ARHGAP22: variants seen among roughly 807,000 people sequenced by gnomAD.
ARHGAP22 encodes the protein Rho GTPase activating protein 22.
A neutral mutation model predicts 59.1 loss-of-function variants in ARHGAP22; 48 were observed. That is an observed-to-expected ratio of 0.81 (90% CI 0.64 to 1.03). The LOEUF is 1.03. ARHGAP22 is among the 50% of genes least tolerant of loss of function. ARHGAP22 has a pLI of 0.00. For missense variants in ARHGAP22, 1,015 were observed against 958.7 expected, an observed-to-expected ratio of 1.06 and a Z score of -0.78; for synonymous variants, 445 against 416.4, an observed-to-expected ratio of 1.07 and a Z score of -0.84.
At chr10:48,602,646 A>G (rs1006746919) in intron 1 of ARHGAP22, among the ~76,000 whole-genome samples, 3 of 152,192 alleles carry the variant, frequency 2.0e-5, no homozygotes, top group Admixed American at 1.3e-4. Context: ...TCACTCAAAA[A>G]ACACAGGTTG....
chr10:48,504,710 G>A (rs962564598), intron 3 of ARHGAP22, among the ~76,000 whole-genome samples: 2 of 152,188 alleles, frequency 1.3e-5, no homozygotes, highest in African/African-American at 4.8e-5. Context: ...GGGCAGGAGT[G>A]GGTCAGGAGC....
At chr10:48,601,803 T>C (rs965014852) in intron 1 of ARHGAP22, among the ~76,000 whole-genome samples, 1 of 152,248 alleles carries the variant, frequency 6.6e-6, no homozygotes, top group Non-Finnish European at 1.5e-5. Context: ...CTGCTAGGTA[T>C]CAATAATCCA....
intron 1 of ARHGAP22, among the ~76,000 whole-genome samples, chr10:48,634,229 T>C (rs1451604707): frequency 6.6e-6 from 1 of 152,142 alleles, no homozygotes; most frequent in African/African-American, 2.4e-5. Flanking sequence ...GCACTAAAGA[T>C]GGGTCAGCTC....
At chr10:48,646,287 A>G in intron 1 of ARHGAP22, among the ~76,000 whole-genome samples, 1 of 152,360 alleles carries the variant, frequency 6.6e-6, no homozygotes, top group African/African-American at 2.4e-5. Context: ...ATTCAATGTG[A>G]TTCCTATCAA....
chr10:48,523,771 C>T (rs2134783612), intron 3 of ARHGAP22, among the ~76,000 whole-genome samples: 1 of 151,944 alleles, frequency 6.6e-6, no homozygotes, highest in African/African-American at 2.4e-5. Flanking sequence ...GAGGGCGGAC[C>T]CTCCCCTCCG....
chr10:48,584,819 C>G (rs1261608062), intron 1 of ARHGAP22, among the ~76,000 whole-genome samples: 2 of 152,096 alleles, frequency 1.3e-5, no homozygotes, highest in Non-Finnish European at 1.5e-5. Context: ...ACGGCGAAAC[C>G]CTGTCTCTAC....
In ARHGAP22 at chr10:48,637,458, G is replaced by C. The variant is rs1311240642; in HGVS notation, c.52+14776C>G. On this transcript the variant is annotated intron_variant, in intron 1 of 9. Transcript: ENST00000435790. ...GGGTGGGTGAATGGGTGGATTTGTA[G>C]GTAGATGGATAGATGGTAGATGGGT... 3.3e-5 allele frequency among the ~76,000 whole-genome samples: 5 copies of C among 151,700 alleles called. No individual in the cohort carries two copies. In the East Asian group the frequency reaches 9.7e-4, roughly 29 times the overall value.
intron 2 of ARHGAP22, 103 bp from the exon 3 acceptor site, chr10:48,555,653 C>T: frequency 9.1e-7 from 1 of 1,101,122 alleles, no homozygotes; most frequent in Non-Finnish European, 1.4e-6. Flanking sequence ...TGGGGCCCTC[C>T]AGGCCATGGC....
chr10:48,476,955 T>C (rs10857579), intron 4 of ARHGAP22, among the ~76,000 whole-genome samples: 27,811 of 152,128 alleles, frequency 0.18, 3,748 homozygotes, highest in East Asian at 0.63. Flanking sequence ...TCATCTCACT[T>C]CTTTGACCCA....
At chr10:48,597,057 G>A (rs2060110251) in intron 1 of ARHGAP22, among the ~76,000 whole-genome samples, 1 of 152,156 alleles carries the variant, frequency 6.6e-6, no homozygotes, top group Admixed American at 6.5e-5. Flanking sequence ...CCTAAGGTAT[G>A]AAGACCCCTC....
rs2051557646 is a variant in ARHGAP22 at position 48,501,856 on chromosome 10, T to C, written c.323-22092A>G. On this transcript the variant is annotated intron_variant, in intron 3 of 9. Coordinates refer to ENST00000249601, the MANE Select transcript of ARHGAP22 (RefSeq NM_021226.4). Reference sequence around the variant, plus strand: ...AGAGGTGCATAGATCTGCATGCCTATTTCTGGAAGGAGGAGCTGGATACTG... The same window carrying C: ...AGAGGTGCATAGATCTGCATGCCTACTTCTGGAAGGAGGAGCTGGATACTG... Among the ~76,000 whole-genome samples, 3 of 152,166 alleles carry C rather than the reference T, an allele frequency of 2.0e-5. No homozygotes were observed. In the South Asian group the frequency reaches 6.2e-4, roughly 32 times the overall value.
intron 9 of ARHGAP22, among the ~76,000 whole-genome samples, chr10:48,449,250 G>A (rs569788735): frequency 2.2e-4 from 34 of 152,210 alleles, no homozygotes; most frequent in African/African-American, 6.5e-4. Context: ...TTCCTTTCTC[G>A]GCTCCATCCT....
At chr10:48,636,571 C>A (rs1467466901) in intron 1 of ARHGAP22, among the ~76,000 whole-genome samples, 1 of 152,208 alleles carries the variant, frequency 6.6e-6, no homozygotes, top group Non-Finnish European at 1.5e-5. Flanking sequence ...CCACCTGCAC[C>A]ACAGCCCTGC....
chr10:48,642,737 T>C (rs1202869210), intron 1 of ARHGAP22, among the ~76,000 whole-genome samples: 1 of 152,152 alleles, frequency 6.6e-6, no homozygotes, highest in Non-Finnish European at 1.5e-5. Flanking sequence ...AATTGACAAA[T>C]GGGATCTAAT....
chr10:48,436,432 T>C, the ARHGAP22 span: 1 of 152,252 alleles, frequency 6.6e-6, no homozygotes, highest in Non-Finnish European at 1.5e-5. Flanking sequence ...AGTCTCGTTA[T>C]TTCTGAAATA....
At chr10:48,570,860 C>T (rs888894721) in intron 2 of ARHGAP22, among the ~76,000 whole-genome samples, 11 of 152,216 alleles carry the variant, frequency 7.2e-5, no homozygotes, top group Admixed American at 2.0e-4. Flanking sequence ...AGCCAGGGTT[C>T]CAAACGCTCT....
chr10:48,584,105 C>T (rs1376960774), intron 1 of ARHGAP22, among the ~76,000 whole-genome samples: 1 of 152,244 alleles, frequency 6.6e-6, no homozygotes. Context: ...GAGGGGCCAT[C>T]TTGAACTCTG....
chr10:48,568,541 G>T (rs1273234385), intron 2 of ARHGAP22, among the ~76,000 whole-genome samples: 1 of 152,226 alleles, frequency 6.6e-6, no homozygotes, highest in Non-Finnish European at 1.5e-5. Flanking sequence ...ATGTTCACAG[G>T]GAACCAGCCC....
intron 2 of ARHGAP22, among the ~76,000 whole-genome samples, chr10:48,560,599 T>C (rs537555427): frequency 1.3e-5 from 2 of 152,268 alleles, no homozygotes; most frequent in South Asian, 4.1e-4. Flanking sequence ...GAAACAGCTT[T>C]TAGTCTTTCA....
Sources: allele counts gnomAD v4.1 joint callset (sites outside exome capture counted in the v4.1 genomes callset), GRCh38; gene constraint gnomAD v4.1.1; transcripts MANE v1.5; gene names NCBI Gene and HGNC (gene_info 2026-07-23, HGNC 2026-07-21).